The following PDE12 variants were observed in gnomAD, a reference collection of about 807,000 sequenced individuals.
PDE12 encodes the protein phosphodiesterase 12, also known as 2',5'-phosphodiesterase 12.
PDE12 carries 26 observed loss-of-function variants against 45.4 expected under a neutral mutation model. That is an observed-to-expected ratio of 0.57 (90% CI 0.42 to 0.79). The LOEUF (loss-of-function observed/expected upper bound fraction) is 0.79, where lower values mean the gene tolerates loss of function less well. Ranked by LOEUF, PDE12 falls within the 30% of genes least tolerant of loss-of-function variation. The probability of loss-of-function intolerance (pLI) is 0.00; values close to 1 mark genes in which losing one functional copy is unlikely to be tolerated. For synonymous variants in PDE12, 283 were observed against 323.9 expected (o/e 0.87, Z 1.36); for missense variants, 668 against 790.0 (o/e 0.85, Z 1.85).
At chr3:57,593,884 G>A in the PDE12 span, among the ~76,000 whole-genome samples, 2 of 152,004 alleles carry the variant, frequency 1.3e-5, no homozygotes, top group Admixed American at 1.3e-4. Flanking sequence ...AATTAGCCAG[G>A]CAGGTCTAAT....
At chr3:57,589,631 T>C in the PDE12 span, among the ~76,000 whole-genome samples, 4 of 150,694 alleles carry the variant, frequency 2.7e-5, no homozygotes, top group African/African-American at 7.3e-5. Context: ...GGCAGGAGAA[T>C]CGCTTGAACC....
the PDE12 span, chr3:57,626,568 G>C: frequency 6.6e-6 from 1 of 152,140 alleles, no homozygotes; most frequent in African/African-American, 2.4e-5. Context: ...AATTAGCCAG[G>C]CGTGGTGGCA....
Position 57,560,650 on chromosome 3 carries a change from T to C in PDE12, c.*646T>C. 2 of 984,972 alleles carry C rather than the reference T, an allele frequency of 2.0e-6. No individual in the cohort carries two copies. The highest frequency in any genetic ancestry group is 2.4e-6 in the Non-Finnish European group (2 of 829,524). 61.0% of individuals were successfully genotyped at this position (984,972 alleles called of 1,614,324 possible). ...CCTTGTGTACATTTTTATAAGAGAA[T>C]TTTTTTAGCTAGGAGTTCAGAATTT... On this transcript the variant is annotated 3_prime_UTR_variant, in exon 3 of 3. Transcript: ENST00000311180.
In PDE12 at chr3:57,556,972, A is replaced by G; in HGVS notation, c.593A>G (p.Tyr198Cys). Residue 198 changes from tyrosine (Y) to cysteine (C), a missense_variant, in exon 1 of 3, where the codon TAT (tyrosine) becomes TGT (cysteine). Coordinates refer to ENST00000311180, the MANE Select transcript of PDE12 (RefSeq NM_177966.7). The surrounding 1 kb of genome is among the most constrained non-coding windows in gnomAD (Gnocchi z 5.0). ...GDPASSLFRW[Y>C]KEAKPGAAEP... ...CCCGCCAGCTCCCTTTTCCGCTGGT[A>G]TAAGGAAGCCAAGCCCGGAGCGGCG... is the stretch of plus-strand genomic sequence containing the variant. The G allele has an allele frequency of 6.2e-7, 1 of 1,614,190 alleles. No individual in the cohort carries two copies. The highest frequency in any genetic ancestry group is 8.5e-7 in the Non-Finnish European group (1 of 1,180,032).
At chr3:57,584,481 T>G in the PDE12 span, 1 of 1,601,004 alleles carries the variant, frequency 6.2e-7, no homozygotes, top group Non-Finnish European at 8.5e-7. Context: ...GAAGACATTA[T>G]AGATTTAAAA....
Position 57,560,666 on chromosome 3 carries a change from T to C in PDE12, c.*662T>C. 3 of 985,228 alleles carry C rather than the reference T, an allele frequency of 3.0e-6. No homozygotes were observed. The highest frequency in any genetic ancestry group is 3.6e-6 in the Non-Finnish European group (3 of 829,804). The allele number at this position is 985,228 out of a possible 1,614,324, so 61.0% of individuals were successfully genotyped here. A position where few individuals can be genotyped will look rare whatever the true frequency, so the allele number is the denominator to read the frequency against. On this transcript the variant is annotated 3_prime_UTR_variant, in exon 3 of 3. Coordinates refer to ENST00000311180, the MANE Select transcript of PDE12 (RefSeq NM_177966.7). ...ATAAGAGAATTTTTTTAGCTAGGAGTTCAGAATTTTTAAAGTACCATTTGA... is the reference window on the plus strand; with the variant it reads ...ATAAGAGAATTTTTTTAGCTAGGAGCTCAGAATTTTTAAAGTACCATTTGA...
chr3:57,587,330 A>AG, the PDE12 span, among the ~76,000 whole-genome samples: 3 of 151,312 alleles, frequency 2.0e-5, no homozygotes, highest in Non-Finnish European at 4.4e-5. Flanking sequence ...AAAAAAAAAA[A>AG]AAAAAAAAAA....
At chr3:57,582,241 TCTA>T in the PDE12 span, among the ~76,000 whole-genome samples, 10 of 152,040 alleles carry the variant, frequency 6.6e-5, no homozygotes, top group Admixed American at 2.0e-4. Flanking sequence ...CCATAAACAT[TCTA>T]CTATTTTTTT....
downstream of PDE12, chr3:57,566,907 A>C (rs2069790364): frequency 6.6e-6 from 1 of 152,162 alleles, no homozygotes; most frequent in Non-Finnish European, 1.5e-5. Flanking sequence ...TGCTTCATAC[A>C]TCCCTTTAGT....
At chr3:57,587,226 G>A in the PDE12 span, among the ~76,000 whole-genome samples, 1 of 151,436 alleles carries the variant, frequency 6.6e-6, no homozygotes, top group African/African-American at 2.4e-5. Context: ...GGCTGAGGCA[G>A]GAGACTCGCT....
At chr3:57,642,687 G>A in the PDE12 span, among the ~76,000 whole-genome samples, 1 of 151,964 alleles carries the variant, frequency 6.6e-6, no homozygotes, top group African/African-American at 2.4e-5. Flanking sequence ...GAGGAATGCC[G>A]CATGAAAGAA....
the PDE12 span, chr3:57,641,509 T>C: frequency 2.1e-6 from 1 of 472,166 alleles, no homozygotes; most frequent in Non-Finnish European, 3.5e-6. Context: ...CATATTTTAG[T>C]GGGAAATTAG....
chr3:57,566,023 T>TA lies in PDE12; in HGVS notation c.*6021dup, dbSNP rs554457820. 1.7e-3 allele frequency: 254 copies of TA among 152,170 alleles called. No homozygotes were observed. The highest frequency in any genetic ancestry group is 5.7e-3 in the African/African-American group (236 of 41,522). The allele number at this position is 152,170 out of a possible 1,614,324, so 9.4% of individuals were successfully genotyped here. On this transcript the variant is annotated 3_prime_UTR_variant, in exon 3 of 3. Transcript: ENST00000311180. ...GAGTTTTTAATAATTCTATTATAAA[T>TA]AATGGAATCAGGCCAGCACAGTGGC...
the PDE12 span, among the ~76,000 whole-genome samples, chr3:57,601,739 CCTTCTT>C: frequency 1.4e-5 from 2 of 140,030 alleles, no homozygotes; most frequent in African/African-American, 2.6e-5. Flanking sequence ...TTTTTTCTTT[CCTTCTT>C]TTTTTTTTTT....
At chr3:57,570,430 C>G (rs1423285178), downstream of PDE12, among the ~76,000 whole-genome samples, 2 of 132,068 alleles carry the variant, frequency 1.5e-5, no homozygotes, top group Non-Finnish European at 3.2e-5. Context: ...CATGTTGCGG[C>G]TGGTCTTGAA....
chr3:57,627,955 G>C, the PDE12 span: 1 of 327,212 alleles, frequency 3.1e-6, no homozygotes, highest in Non-Finnish European at 5.5e-6. Context: ...TCTCATAAGA[G>C]CACTTTAGAA....
chr3:57,641,976 C>G, the PDE12 span, among the ~76,000 whole-genome samples: 20 of 152,090 alleles, frequency 1.3e-4, no homozygotes, highest in African/African-American at 4.6e-4. Flanking sequence ...ATATACACAC[C>G]CAGTTATGAT....
At chr3:57,587,736 A>G in the PDE12 span, among the ~76,000 whole-genome samples, 1 of 152,146 alleles carries the variant, frequency 6.6e-6, no homozygotes, top group African/African-American at 2.4e-5. Context: ...AACCATTTCT[A>G]GGTCACCCCA....
the PDE12 span, among the ~76,000 whole-genome samples, chr3:57,588,999 G>C: frequency 3.3e-5 from 5 of 152,230 alleles, no homozygotes; most frequent in African/African-American, 9.6e-5. Flanking sequence ...CTACTCGGGA[G>C]GCTGAGGCAG....
Sources: gnomAD v4.1 joint callset for allele counts (sites outside exome capture counted in the v4.1 genomes callset) on GRCh38, gnomAD v4.1.1 for gene constraint, Gnocchi (gnomAD v3.1) non-coding constraint, MANE v1.5 for transcripts, NCBI Gene and HGNC (gene_info 2026-07-23, HGNC 2026-07-21) for gene names.